The following ATP2B4 variants were observed in gnomAD, a reference collection of about 807,000 sequenced individuals.
ATP2B4 encodes plasma membrane calcium-transporting ATPase 4.
Under a neutral mutation model 110.3 loss-of-function variants are expected in ATP2B4, and 39 were observed. The observed-to-expected ratio is 0.35, with a 90% CI of 0.27 to 0.46. The LOEUF (loss-of-function observed/expected upper bound fraction) is 0.46. ATP2B4 is among the 20% of genes least tolerant of loss of function. The pLI is 1.00. For missense variants in ATP2B4, 1,135 were observed against 1,530.9 expected, an observed-to-expected ratio of 0.74 and a Z score of 4.32; for synonymous variants, 538 against 571.7, an observed-to-expected ratio of 0.94 and a Z score of 0.84.
chr1:203,662,149 G>A (rs980124426), intron 1 of ATP2B4, among the ~76,000 whole-genome samples: 4 of 151,724 alleles, frequency 2.6e-5, no homozygotes, highest in South Asian at 2.1e-4. Context: ...TCAGCCTCCC[G>A]AGTAGCTGGG....
chr1:203,692,884 CA>C (rs1665426812), intron 2 of ATP2B4, among the ~76,000 whole-genome samples: 1 of 152,156 alleles, frequency 6.6e-6, no homozygotes, highest in Non-Finnish European at 1.5e-5. Flanking sequence ...ACCTCCCCAG[CA>C]TGGGGTGGGG....
At chr1:203,677,364 T>C (rs1664858246) in intron 1 of ATP2B4, among the ~76,000 whole-genome samples, 2 of 152,192 alleles carry the variant, frequency 1.3e-5, no homozygotes, top group Non-Finnish European at 2.9e-5. Flanking sequence ...CACATCCCTG[T>C]TCCTGAGTAT....
chr1:203,630,945 C>G (rs1474856157), intron 1 of ATP2B4, among the ~76,000 whole-genome samples: 1 of 152,246 alleles, frequency 6.6e-6, no homozygotes, highest in African/African-American at 2.4e-5. Context: ...GCCAGTATCT[C>G]TCCTTGTGTC....
intron 1 of ATP2B4, among the ~76,000 whole-genome samples, chr1:203,676,597 G>A (rs1194851235): frequency 1.3e-5 from 2 of 152,176 alleles, no homozygotes; most frequent in African/African-American, 4.8e-5. Flanking sequence ...CCCCAAGGTG[G>A]TGCACAGGAA....
chr1:203,667,509 G>T (rs768596595), intron 1 of ATP2B4, among the ~76,000 whole-genome samples: 2 of 152,168 alleles, frequency 1.3e-5, no homozygotes, highest in Non-Finnish European at 2.9e-5. Flanking sequence ...CAGTAGACTA[G>T]TGTTGGAGGT....
rs1357885436 is a variant in ATP2B4 at position 203,629,283 on chromosome 1, T to C, written c.-465+2064T>C. ...CCGTGTTCTGGAGGGAGGGGATCCA[T>C]TTCTATACTCCTCCTCGGGAGTCCC... On this transcript the variant is annotated intron_variant, in intron 1 of 20. Transcript: ENST00000357681. The surrounding 1 kb of genome is among the most constrained non-coding windows in gnomAD (Gnocchi z 4.6). 6.6e-6 allele frequency among the ~76,000 whole-genome samples: 1 copy of C among 152,136 alleles called. No homozygotes were observed. Among genetic ancestry groups the C allele is most frequent in the Non-Finnish European group, 1.5e-5 (1 of 68,018 alleles).
chr1:203,713,068 C>T, intron 13 of ATP2B4, 97 bp from the exon 14 acceptor site: 2 of 1,300,556 alleles, frequency 1.5e-6, no homozygotes, highest in East Asian at 4.6e-5. Context: ...TGTGGTGTAC[C>T]CAATCTCCCA....
chr1:203,674,831 T>G (rs528880177), intron 1 of ATP2B4, among the ~76,000 whole-genome samples: 1 of 151,974 alleles, frequency 6.6e-6, no homozygotes, highest in Non-Finnish European at 1.5e-5. Flanking sequence ...TAATTTTTTG[T>G]ATTTTTAGTA....
intron 1 of ATP2B4, among the ~76,000 whole-genome samples, chr1:203,662,490 A>C (rs910929069): frequency 3.9e-5 from 6 of 152,222 alleles, no homozygotes; most frequent in Admixed American, 2.6e-4. Context: ...AGCCTGTGGT[A>C]ACCTCCACTC....
rs1666971157 is a variant in ATP2B4, at chr1:203,740,253, G to C, written c.*399G>C. 1 of 182,252 alleles carries C rather than the reference G, an allele frequency of 5.5e-6. No homozygotes were observed. The highest frequency in any genetic ancestry group is 1.3e-4 in the South Asian group (1 of 7,790). The allele number at this position is 182,252 out of a possible 1,614,324, so 11.3% of individuals were successfully genotyped here. A position where few individuals can be genotyped will look rare whatever the true frequency, so the allele number is the denominator to read the frequency against. ...AAGCTAAGTTGAGGGTTCAGAGGGA[G>C]ACAAATATCCCCAAGTGAAATATGT... On this transcript the variant is annotated 3_prime_UTR_variant, in exon 21 of 21. Transcript: ENST00000357681.
chr1:203,739,128 A>G (rs1311945282), intron 20 of ATP2B4, among the ~76,000 whole-genome samples: 1 of 152,202 alleles, frequency 6.6e-6, no homozygotes, highest in African/African-American at 2.4e-5. Flanking sequence ...TGGCCTCAGC[A>G]CAGAAATCCA....
At position 203,715,548 on chromosome 1, in the gene ATP2B4, G is replaced by A. The variant is rs536132411; in HGVS notation, c.2406+1271G>A. 5.6e-5 allele frequency among the ~76,000 whole-genome samples: 8 copies of A among 142,374 alleles called. 1 individual carries two copies. The highest frequency in any genetic ancestry group is 1.2e-4 in the Non-Finnish European group (8 of 64,398). The allele number at this position is 142,374 out of a possible 152,430, so 93.4% of individuals were successfully genotyped here. A position where few individuals can be genotyped will look rare whatever the true frequency, so the allele number is the denominator to read the frequency against. ...AGCCTGGGTGACAGAGCAAGATTCCGTCTCAAAAAAAATTTTCTTTTCATT... is the reference window on the plus strand; with the variant it reads ...AGCCTGGGTGACAGAGCAAGATTCCATCTCAAAAAAAATTTTCTTTTCATT... On this transcript the variant is annotated intron_variant, in intron 15 of 20. Coordinates refer to ENST00000357681, the MANE Select transcript of ATP2B4 (RefSeq NM_001684.5).
chr1:203,702,516 G>C (rs942982035), intron 7 of ATP2B4, among the ~76,000 whole-genome samples: 2 of 152,130 alleles, frequency 1.3e-5, no homozygotes, highest in Admixed American at 1.3e-4. Context: ...TCCTCTTCTG[G>C]TCTGGATCCC....
intron 1 of ATP2B4, among the ~76,000 whole-genome samples, chr1:203,652,144 CTTT>C (rs112114077): frequency 2.4e-5 from 3 of 126,214 alleles, no homozygotes; most frequent in Non-Finnish European, 3.3e-5. Flanking sequence ...GCAACTTCTT[CTTT>C]TTTTTTTTTT....
At chr1:203,729,535 A>C (rs1476830896) in intron 20 of ATP2B4, 3 of 410,978 alleles carry the variant, frequency 7.3e-6, no homozygotes, top group Non-Finnish European at 1.4e-5. Flanking sequence ...ACAAGGCAAG[A>C]CTCTGTCTCA....
intron 11 of ATP2B4, among the ~76,000 whole-genome samples, chr1:203,709,995 A>G (rs944661534): frequency 6.6e-6 from 1 of 152,192 alleles, no homozygotes; most frequent in African/African-American, 2.4e-5. Context: ...AGTACTAGAA[A>G]CGTTTGTTCT....
rs576322841 is a variant in ATP2B4 at position 203,703,710 on chromosome 1, C to T, written c.996C>T (p.Ile332=). The T allele has an allele frequency of 2.7e-5, 44 of 1,613,906 alleles. No individual in the cohort carries two copies. Among genetic ancestry groups the T allele is most frequent in the East Asian group, 8.9e-5 (4 of 44,886 alleles). Residue 332 remains isoleucine (I), a synonymous_variant, in exon 8 of 21, where the codon ATC becomes ATT. Coordinates refer to ENST00000357681, the MANE Select transcript of ATP2B4 (RefSeq NM_001684.5). ...AGCCACTCAACAGCCAGGAGGGAAT[C>T]GACAATGAGGAAAAGGACAAGAAGG... The part of the protein sequence containing the change: ...EIQPLNSQEG[I]DNEEKDKKAV...
At chr1:203,733,125 C>A in intron 20 of ATP2B4, 1 of 1,208,866 alleles carries the variant, frequency 8.3e-7, no homozygotes, top group Non-Finnish European at 1.1e-6. Flanking sequence ...TACTTCCATT[C>A]CTGCTTCCCC....
Position 203,719,169 on chromosome 1 carries a change from G to C in ATP2B4, c.2407-1380G>C, listed in dbSNP as rs147934684. Among the ~76,000 whole-genome samples, 238 of 144,928 alleles carry C rather than the reference G, an allele frequency of 1.6e-3. 4 individuals are homozygous for C. In the East Asian group the frequency reaches 0.027, roughly 16 times the overall value. ...GAGCCCAAGAATTCAAGGCTGCAGT[G>C]AGCCAAGATCACACCTCTGCACTCC... On this transcript the variant is annotated intron_variant, in intron 15 of 20. Coordinates refer to ENST00000357681, the MANE Select transcript of ATP2B4 (RefSeq NM_001684.5).
Sources: allele counts gnomAD v4.1 joint callset (sites outside exome capture counted in the v4.1 genomes callset), GRCh38; gene constraint gnomAD v4.1.1; non-coding constraint Gnocchi (gnomAD v3.1); transcripts MANE v1.5; gene names NCBI Gene and HGNC (gene_info 2026-07-23, HGNC 2026-07-21).